The following RIN3 variants were observed in gnomAD, a reference collection of about 807,000 sequenced individuals.
RIN3 encodes the protein RAB5 interacting protein 3.
Under a neutral mutation model 76.3 loss-of-function variants are expected in RIN3, and 54 were observed. The ratio of observed to expected loss-of-function variants is 0.71; its 90% CI spans 0.57 to 0.89. RIN3 has a LOEUF of 0.89. Among genes scored for constraint, RIN3 ranks in the 40% least tolerant of loss-of-function variants. The probability of loss-of-function intolerance (pLI) is 0.00; values close to 1 mark genes in which losing one functional copy is unlikely to be tolerated. For synonymous variants in RIN3, 576 were observed against 564.0 expected, an observed-to-expected ratio of 1.02 and a Z score of -0.30; for missense variants, 1,256 against 1,322.1, an observed-to-expected ratio of 0.95 and a Z score of 0.78.
chr14:92,580,387 A>G (rs965375687), intron 3 of RIN3, among the ~76,000 whole-genome samples: 1 of 152,176 alleles, frequency 6.6e-6, no homozygotes, highest in Non-Finnish European at 1.5e-5. Flanking sequence ...AACAAAACAC[A>G]ACCCACACAT....
intron 3 of RIN3, among the ~76,000 whole-genome samples, chr14:92,581,618 CA>C (rs1884542503): frequency 6.6e-6 from 1 of 152,156 alleles, no homozygotes; most frequent in Non-Finnish European, 1.5e-5. Flanking sequence ...CCTCCCCGCC[CA>C]GCCTCCAGGG....
At chr14:92,587,509 A>T (rs746560588) in intron 3 of RIN3, among the ~76,000 whole-genome samples, 1 of 152,250 alleles carries the variant, frequency 6.6e-6, no homozygotes, top group Non-Finnish European at 1.5e-5. Flanking sequence ...ATGGAGAAAG[A>T]TCTAGAACAC....
intron 5 of RIN3, among the ~76,000 whole-genome samples, chr14:92,649,170 G>A (rs995347555): frequency 3.3e-5 from 5 of 152,204 alleles, no homozygotes; most frequent in Admixed American, 1.3e-4. Flanking sequence ...TAGAGGGGGC[G>A]GCTACAGCCG....
rs1322567174 is a variant in RIN3, at chr14:92,647,000, G to A, written c.533-4582G>A. 5.9e-5 allele frequency among the ~76,000 whole-genome samples: 9 copies of A among 152,324 alleles called. No individual in the cohort carries two copies. In the East Asian group the frequency reaches 9.6e-4, roughly 16 times the overall value. On this transcript the variant is annotated intron_variant, in intron 5 of 9. Coordinates refer to ENST00000216487, the MANE Select transcript of RIN3 (RefSeq NM_024832.5). Reference sequence around the variant, plus strand: ...TAAAGATTTACTGGGTTTCCAGTCCGCTGGATGATCTTGTAGTTACAGGAA... The same window carrying A: ...TAAAGATTTACTGGGTTTCCAGTCCACTGGATGATCTTGTAGTTACAGGAA...
intron 1 of RIN3, among the ~76,000 whole-genome samples, chr14:92,537,977 C>G (rs1401811753): frequency 6.6e-6 from 1 of 152,102 alleles, no homozygotes; most frequent in Non-Finnish European, 1.5e-5. Flanking sequence ...GCTGGGACTA[C>G]AGGCGCCCGC....
At chr14:92,584,497 T>C (rs1465634675) in intron 3 of RIN3, among the ~76,000 whole-genome samples, 6 of 152,094 alleles carry the variant, frequency 3.9e-5, no homozygotes, top group African/African-American at 1.4e-4. Flanking sequence ...TGAACAAGCA[T>C]TATGTGAACA....
intron 7 of RIN3, among the ~76,000 whole-genome samples, chr14:92,673,784 A>G (rs1194054212): frequency 6.6e-6 from 1 of 152,150 alleles, no homozygotes; most frequent in East Asian, 1.9e-4. Context: ...GGGATTACAG[A>G]CATGAGCCAC....
chr14:92,632,665 C>A (rs899653183), intron 4 of RIN3, among the ~76,000 whole-genome samples: 12 of 152,170 alleles, frequency 7.9e-5, no homozygotes, highest in African/African-American at 2.9e-4. Context: ...GACTGACTAC[C>A]AGGCCCGTGG....
intron 6 of RIN3, among the ~76,000 whole-genome samples, chr14:92,654,041 T>C (rs1887570896): frequency 6.6e-6 from 1 of 151,758 alleles, no homozygotes; most frequent in Middle Eastern, 3.4e-3. Flanking sequence ...TAGCTGGGCG[T>C]GGTGGCTCAT....
intron 4 of RIN3, among the ~76,000 whole-genome samples, chr14:92,629,050 G>T (rs1002789909): frequency 6.6e-6 from 1 of 151,982 alleles, no homozygotes; most frequent in Non-Finnish European, 1.5e-5. Flanking sequence ...CACTGGCCAC[G>T]GCCAGAAACC....
At chr14:92,676,667 G>T (rs1888476774) in intron 8 of RIN3, 61 bp downstream of exon 8, 1 of 1,576,332 alleles carries the variant, frequency 6.3e-7, no homozygotes, top group African/African-American at 1.3e-5. Context: ...CCACGCCACG[G>T]GCACTCTAGG....
intron 1 of RIN3, among the ~76,000 whole-genome samples, chr14:92,527,581 GACAA>G (rs1165737859): frequency 2.0e-5 from 3 of 152,122 alleles, no homozygotes; most frequent in South Asian, 2.1e-4. Context: ...TGCACGTTTT[GACAA>G]ACAGACAGCC....
At chr14:92,647,018 TAC>T (rs1887226411) in intron 5 of RIN3, among the ~76,000 whole-genome samples, 1 of 152,226 alleles carries the variant, frequency 6.6e-6, no homozygotes, top group Non-Finnish European at 1.5e-5. Flanking sequence ...ATCTTGTAGT[TAC>T]AGGAAGTTCA....
intron 6 of RIN3, among the ~76,000 whole-genome samples, chr14:92,653,328 G>A (rs1371656681): frequency 1.1e-4 from 16 of 152,094 alleles, no homozygotes; most frequent in African/African-American, 3.1e-4. Context: ...TCCACCATCA[G>A]GGGCCCACTG....
Position 92,671,318 on chromosome 14 carries a change from C to T in RIN3, c.2336-5157C>T, listed in dbSNP as rs148644288. Among the ~76,000 whole-genome samples the T allele has an allele frequency of 3.8e-3, 579 of 151,000 alleles. 23 individuals are homozygous for T. In the South Asian group the frequency reaches 0.074, roughly 19 times the overall value. On this transcript the variant is annotated intron_variant, in intron 7 of 9. Coordinates refer to ENST00000216487, the MANE Select transcript of RIN3 (RefSeq NM_024832.5). ...GATAACGGGAAGGTAGGGAGGGGGT[C>T]CCAGGAGGGGGGGAACTGCGTGTGC...
intron 4 of RIN3, among the ~76,000 whole-genome samples, chr14:92,634,068 CTTTTTTTTT>C (rs6145445): frequency 0.11 from 12,375 of 108,386 alleles, 805 homozygotes; most frequent in East Asian, 0.3. Flanking sequence ...CTAAAAATCC[CTTTTTTTTT>C]TTTTTTTTTT....
chr14:92,572,485 C>T (rs1322086899), intron 2 of RIN3, among the ~76,000 whole-genome samples: 1 of 152,176 alleles, frequency 6.6e-6, no homozygotes, highest in Non-Finnish European at 1.5e-5. Context: ...CCTGGGGTGA[C>T]AGCTGCAACC....
chr14:92,516,629 C>A (rs74075416), intron 1 of RIN3, among the ~76,000 whole-genome samples: 9,051 of 152,166 alleles, frequency 0.059, 897 homozygotes, highest in African/African-American at 0.21. Flanking sequence ...CCCCCCACCC[C>A]GAGAAGCCCC....
At chr14:92,592,690 T>C (rs1011115314) in intron 3 of RIN3, among the ~76,000 whole-genome samples, 5 of 129,970 alleles carry the variant, frequency 3.8e-5, no homozygotes, top group East Asian at 2.3e-4. Flanking sequence ...ATTATTATTA[T>C]TGTGAGACAG....
Sources: gnomAD v4.1 joint callset for allele counts (sites outside exome capture counted in the v4.1 genomes callset) on GRCh38, gnomAD v4.1.1 for gene constraint, MANE v1.5 for transcripts, NCBI Gene and HGNC (gene_info 2026-07-23, HGNC 2026-07-21) for gene names.